The following ZNF292 variants were observed in gnomAD, a reference collection of about 807,000 sequenced individuals.
ZNF292 encodes 16 zinc-finger domain protein.
ZNF292 carries 26 observed loss-of-function variants against 217.9 expected under a neutral mutation model. That is an observed-to-expected ratio of 0.12 (90% CI 0.09 to 0.17). The LOEUF (loss-of-function observed/expected upper bound fraction) is 0.17. Ranked by LOEUF, ZNF292 falls within the 10% of genes least tolerant of loss-of-function variation. The pLI is 1.00. For synonymous variants in ZNF292, 1,257 were observed against 1,124.1 expected (o/e 1.12, Z -2.37); for missense variants, 2,904 against 3,175.2 (o/e 0.91, Z 2.05).
chr6:87,235,859 T>C (rs1275138949), intron 5 of ZNF292, among the ~76,000 whole-genome samples: 3 of 152,184 alleles, frequency 2.0e-5, no homozygotes, highest in East Asian at 1.9e-4. Context: ...CTAGATCATA[T>C]AGTGCAGAAC....
In ZNF292 at chr6:87,195,315, A is replaced by T. The variant is rs193280315; in HGVS notation, c.169-20588A>T. ...AAGTATATTAGTAGAACAAGTAGAG[A>T]GTGAAAAAATTCTGGTACAAATTGG... is the stretch of plus-strand genomic sequence containing the variant. On this transcript the variant is annotated intron_variant, in intron 1 of 7. Coordinates refer to ENST00000369577, the MANE Select transcript of ZNF292 (RefSeq NM_015021.3). 2.6e-3 allele frequency among the ~76,000 whole-genome samples: 392 copies of T among 152,348 alleles called. 2 individuals are homozygous for T. Among genetic ancestry groups the T allele is most frequent in the African/African-American group, 9.0e-3 (376 of 41,596 alleles).
intron 1 of ZNF292, among the ~76,000 whole-genome samples, chr6:87,207,436 A>C (rs1348848748): frequency 6.6e-6 from 1 of 152,204 alleles, no homozygotes; most frequent in Admixed American, 6.5e-5. Flanking sequence ...GTACAGTTTA[A>C]AATTTCAAGT....
chr6:87,200,464 TAA>T (rs141781065), intron 1 of ZNF292, among the ~76,000 whole-genome samples: 1 of 150,718 alleles, frequency 6.6e-6, no homozygotes, highest in Non-Finnish European at 1.5e-5. Context: ...ACTAGACATT[TAA>T]AAAAAAAATC....
At chr6:87,164,722 G>A (rs999938596) in intron 1 of ZNF292, among the ~76,000 whole-genome samples, 1 of 150,422 alleles carries the variant, frequency 6.6e-6, no homozygotes, top group Non-Finnish European at 1.5e-5. Flanking sequence ...AGGCATCCCC[G>A]CCCCATCACT....
intron 1 of ZNF292, among the ~76,000 whole-genome samples, chr6:87,172,901 CAA>C (rs200508862): frequency 1.6e-5 from 2 of 125,360 alleles, no homozygotes; most frequent in Admixed American, 8.2e-5. Context: ...GACTCTGTCT[CAA>C]AAAAAAAAAA....
chr6:87,186,851 A>T (rs115629323), intron 1 of ZNF292, among the ~76,000 whole-genome samples: 4 of 152,218 alleles, frequency 2.6e-5, no homozygotes, highest in African/African-American at 4.8e-5. Flanking sequence ...GTCTTTTGTT[A>T]TAGTTGTTCC....
chr6:87,184,483 T>G (rs190137668), intron 1 of ZNF292, among the ~76,000 whole-genome samples: 1 of 151,592 alleles, frequency 6.6e-6, no homozygotes, highest in Admixed American at 6.6e-5. Context: ...TTTTTTTTTT[T>G]TTTTTTTGAG....
At chr6:87,159,979 T>A (rs1357381889) in intron 1 of ZNF292, among the ~76,000 whole-genome samples, 1 of 152,252 alleles carries the variant, frequency 6.6e-6, no homozygotes, top group Non-Finnish European at 1.5e-5. Flanking sequence ...TTACTGTATT[T>A]ATTATACAAA....
intron 1 of ZNF292, among the ~76,000 whole-genome samples, chr6:87,160,489 A>G (rs1925691): frequency 0.26 from 25,257 of 98,500 alleles, 2,873 homozygotes; most frequent in African/African-American, 0.38. Flanking sequence ...GTTTGTATAT[A>G]TATGTGTGTG....
intron 4 of ZNF292, among the ~76,000 whole-genome samples, chr6:87,221,938 A>T (rs766393664): frequency 6.6e-6 from 1 of 152,164 alleles, no homozygotes; most frequent in Non-Finnish European, 1.5e-5. Context: ...TTGGGCAGCC[A>T]TGTAATTCTC....
intron 7 of ZNF292, chr6:87,249,403 C>T (rs1169239610): frequency 2.5e-6 from 1 of 398,474 alleles, no homozygotes; most frequent in Non-Finnish European, 5.0e-6. Flanking sequence ...GGTGGGATTA[C>T]AGGTATGAGC....
chr6:87,255,828 T>C lies in ZNF292; in HGVS notation c.2199T>C (p.Ser733=). 3 of 1,613,824 alleles carry C rather than the reference T, an allele frequency of 1.9e-6. No individual in the cohort carries two copies. The highest frequency in any genetic ancestry group is 1.3e-5 in the African/African-American group (1 of 75,050). ...ICQYCRRHFV[S]VTHLNDHLQM... ...AGTACTGTAGGCGGCATTTTGTGAGTGTTACTCATCTCAATGATCACTTAC... is the reference window on the plus strand; with the variant it reads ...AGTACTGTAGGCGGCATTTTGTGAGCGTTACTCATCTCAATGATCACTTAC... The change falls in exon 8 of 8, where the codon AGT becomes AGC. Residue 733 remains serine, a synonymous_variant. Transcript: ENST00000369577.
rs1465833563 is a variant in ZNF292 at position 87,265,322 on chromosome 6, A to G, written c.*3521A>G. ...ACAATCTCAGCTCAGTGCAACTTCC[A>G]TCTCCCAGGTTCAAGTGATTCTCCT... On this transcript the variant is annotated 3_prime_UTR_variant, in exon 8 of 8. Coordinates refer to ENST00000369577, the MANE Select transcript of ZNF292 (RefSeq NM_015021.3). Among the ~76,000 whole-genome samples the G allele has an allele frequency of 1.3e-5, 2 of 152,090 alleles. No individual in the cohort carries two copies. Among genetic ancestry groups the G allele is most frequent in the Admixed American group, 6.5e-5 (1 of 15,280 alleles).
intron 1 of ZNF292, among the ~76,000 whole-genome samples, chr6:87,181,935 C>T (rs1247239059): frequency 2.0e-5 from 3 of 152,100 alleles, no homozygotes; most frequent in Non-Finnish European, 2.9e-5. Flanking sequence ...CCGCCCATCT[C>T]GGCCTCCCAA....
At chr6:87,223,988 T>G (rs1393915463) in intron 4 of ZNF292, 1 of 152,212 alleles carries the variant, frequency 6.6e-6, no homozygotes, top group Non-Finnish European at 1.5e-5. Context: ...GTAGCCTCCT[T>G]CCCTTGCTTA....
chr6:87,204,553 G>GTTTTTT (rs1562138301), intron 1 of ZNF292, among the ~76,000 whole-genome samples: 10 of 65,690 alleles, frequency 1.5e-4, no homozygotes, highest in African/African-American at 5.8e-4. Context: ...TAACATTTAG[G>GTTTTTT]ATTTTTTTTT....
chr6:87,255,085 CAAG>C lies in ZNF292; in HGVS notation c.1461_1463del (p.Glu488del). 3.1e-6 allele frequency: 5 copies of C among 1,613,464 alleles called. No individual in the cohort carries two copies. Among genetic ancestry groups the C allele is most frequent in the Non-Finnish European group, 4.2e-6 (5 of 1,179,802 alleles). On this transcript the variant is annotated inframe_deletion, in exon 8 of 8. Transcript: ENST00000369577. The stretch of plus-strand genomic sequence containing the variant: ...AGTATATGAAAAAGTGGTAGACTAC[CAAG>C]AAGAGAGTAAAGAAACTTCTATGAA...
In ZNF292 at chr6:87,160,576, TAAAA is replaced by T. The variant is rs1441590177; in HGVS notation, c.168+4821_168+4824del. ...GGATATAAGATACAGGAGACTCTAA[TAAAA>T]AAATATGTTTGTGTGTATATATACA... On this transcript the variant is annotated intron_variant, in intron 1 of 7. Transcript: ENST00000369577. Among the ~76,000 whole-genome samples the T allele has an allele frequency of 4.0e-5, 6 of 151,396 alleles. 2 individuals carry two copies. The highest frequency in any genetic ancestry group is 1.2e-4 in the African/African-American group (5 of 41,044).
intron 4 of ZNF292, among the ~76,000 whole-genome samples, chr6:87,229,653 C>T (rs1197780427): frequency 3.3e-5 from 5 of 152,172 alleles, no homozygotes; most frequent in African/African-American, 7.2e-5. Flanking sequence ...CTCAAACTCT[C>T]GACCTCAGGT....
Sources: gnomAD v4.1 joint callset for allele counts (sites outside exome capture counted in the v4.1 genomes callset) on GRCh38, gnomAD v4.1.1 for gene constraint, MANE v1.5 for transcripts, NCBI Gene and HGNC (gene_info 2026-07-23, HGNC 2026-07-21) for gene names.